CHRM3: variants seen among roughly 807,000 people sequenced by gnomAD.
CHRM3 encodes cholinergic receptor muscarinic 3, also known as muscarinic acetylcholine receptor M3.
CHRM3 carries 11 observed loss-of-function variants against 41.8 expected under a neutral mutation model. The observed-to-expected ratio is 0.26, with a 90% CI of 0.17 to 0.44. The LOEUF is 0.44. Among genes scored for constraint, CHRM3 ranks in the 20% least tolerant of loss-of-function variants. The probability of loss-of-function intolerance (pLI) is 1.00; values close to 1 mark genes in which losing one functional copy is unlikely to be tolerated. For missense variants in CHRM3, 571 were observed against 745.4 expected (o/e 0.77, Z 2.72); for synonymous variants, 297 against 301.4 (o/e 0.99, Z 0.15).
rs543159766 is a variant in CHRM3 at position 239,435,665 on chromosome 1, C to T, written c.-521+48438C>T. On this transcript the variant is annotated intron_variant, in intron 1 of 6. Coordinates refer to ENST00000676153, the MANE Select transcript of CHRM3 (RefSeq NM_001375978.1). The stretch of plus-strand genomic sequence containing the variant: ...GTGTCCATACTTAAAAAAAAGTGTG[C>T]GCAGTGTTTTCTGTGCTTTACTGAA... Among the ~76,000 whole-genome samples the T allele has an allele frequency of 1.8e-4, 28 of 151,968 alleles. No individual in the cohort carries two copies. In the South Asian group the frequency reaches 3.1e-3, roughly 17 times the overall value.
intron 2 of CHRM3, among the ~76,000 whole-genome samples, chr1:239,506,627 C>A (rs1322794961): frequency 2.6e-5 from 4 of 152,268 alleles, no homozygotes; most frequent in Middle Eastern, 3.4e-3. Context: ...GGGGTCAGAG[C>A]CCCCACACAG....
intron 1 of CHRM3, among the ~76,000 whole-genome samples, chr1:239,420,804 A>G (rs1402612394): frequency 6.6e-6 from 1 of 152,142 alleles, no homozygotes; most frequent in African/African-American, 2.4e-5. Flanking sequence ...TTTTATTTTT[A>G]AGGAAAGAAA....
chr1:239,655,626 G>A (rs920952371), intron 4 of CHRM3, among the ~76,000 whole-genome samples: 22 of 152,046 alleles, frequency 1.4e-4, no homozygotes, highest in African/African-American at 4.6e-4. Context: ...CCAAGGATTG[G>A]GTGCTTTCAT....
chr1:239,590,349 T>A (rs1409834649), intron 3 of CHRM3, among the ~76,000 whole-genome samples: 1 of 152,204 alleles, frequency 6.6e-6, no homozygotes, highest in African/African-American at 2.4e-5. Context: ...CAATAAGATA[T>A]GATTCATGTC....
Position 239,902,370 on chromosome 1 carries a change from A to G in CHRM3, c.-19-5063A>G, listed in dbSNP as rs1049265617. ...TAGTCAAGTAATTTGGTAAGTTTAT[A>G]CATCTCCTGGGCCAACCCAGAACTC... On this transcript the variant is annotated intron_variant, in intron 6 of 6. Coordinates refer to ENST00000676153, the MANE Select transcript of CHRM3 (RefSeq NM_001375978.1). Among the ~76,000 whole-genome samples, 9 of 152,192 alleles carry G rather than the reference A, an allele frequency of 5.9e-5. No homozygotes were observed. In the South Asian group the frequency reaches 1.9e-3, roughly 32 times the overall value.
At chr1:239,485,374 T>C (rs1263566922) in intron 1 of CHRM3, among the ~76,000 whole-genome samples, 2 of 152,188 alleles carry the variant, frequency 1.3e-5, no homozygotes. Flanking sequence ...CATGACTCAC[T>C]GCAGCCTCAG....
chr1:239,755,335 T>A (rs1666151509), intron 5 of CHRM3, among the ~76,000 whole-genome samples: 1 of 152,168 alleles, frequency 6.6e-6, no homozygotes, highest in South Asian at 2.1e-4. Context: ...ACCTCACTTA[T>A]CAGGAAGTGA....
intron 6 of CHRM3, among the ~76,000 whole-genome samples, chr1:239,890,567 A>T (rs1404985761): frequency 6.6e-6 from 1 of 152,252 alleles, no homozygotes; most frequent in East Asian, 1.9e-4. Context: ...TATGCCATAT[A>T]TTGAGGGACC....
chr1:239,544,730 A>T (rs962385456), intron 2 of CHRM3, among the ~76,000 whole-genome samples: 2 of 152,240 alleles, frequency 1.3e-5, no homozygotes, highest in African/African-American at 4.8e-5. Context: ...CTTTATATCT[A>T]TCTTGACATA....
At chr1:239,655,323 G>A (rs1055303260) in intron 4 of CHRM3, among the ~76,000 whole-genome samples, 3 of 152,192 alleles carry the variant, frequency 2.0e-5, no homozygotes, top group African/African-American at 7.2e-5. Flanking sequence ...GCAAAGTCAA[G>A]TCAAACTGTT....
At chr1:239,639,252 A>T (rs1183176434) in intron 4 of CHRM3, among the ~76,000 whole-genome samples, 6 of 151,926 alleles carry the variant, frequency 3.9e-5, no homozygotes, top group Non-Finnish European at 4.4e-5. Context: ...TGTAGGCTCT[A>T]TTTTGGTTCC....
At chr1:239,741,818 G>A (rs557059527) in intron 5 of CHRM3, among the ~76,000 whole-genome samples, 1 of 152,314 alleles carries the variant, frequency 6.6e-6, no homozygotes, top group East Asian at 1.9e-4. Flanking sequence ...CAGAGTTTAT[G>A]AGAGCTGCGG....
chr1:239,816,880 A>G (rs1671635635), intron 5 of CHRM3, among the ~76,000 whole-genome samples: 2 of 151,946 alleles, frequency 1.3e-5, no homozygotes, highest in South Asian at 4.2e-4. Context: ...ACATGTGCCC[A>G]CCATTATGCC....
intron 5 of CHRM3, among the ~76,000 whole-genome samples, chr1:239,760,990 TA>T (rs11351484): frequency 0.77 from 116,785 of 151,976 alleles, 46,003 homozygotes; most frequent in Middle Eastern, 0.89. Flanking sequence ...CCCAAACCAC[TA>T]ATATGTCTGA....
intron 2 of CHRM3, among the ~76,000 whole-genome samples, chr1:239,521,698 T>TAC (rs922746449): frequency 1.3e-5 from 2 of 151,656 alleles, no homozygotes; most frequent in Admixed American, 6.6e-5. Flanking sequence ...GAGAGGGAGG[T>TAC]ACAGCCAGCC....
chr1:239,642,837 G>T (rs1445619147), intron 4 of CHRM3, among the ~76,000 whole-genome samples: 1 of 152,116 alleles, frequency 6.6e-6, no homozygotes, highest in Non-Finnish European at 1.5e-5. Flanking sequence ...AGGAGGAGAG[G>T]CGCTCTGTTT....
At chr1:239,405,583 G>A (rs1243384332) in intron 1 of CHRM3, among the ~76,000 whole-genome samples, 1 of 151,776 alleles carries the variant, frequency 6.6e-6, no homozygotes, top group Non-Finnish European at 1.5e-5. Context: ...CTTAAAGCTG[G>A]GGCTTCAATT....
At chr1:239,743,776 TC>T (rs1167649353) in intron 5 of CHRM3, among the ~76,000 whole-genome samples, 1 of 147,138 alleles carries the variant, frequency 6.8e-6, no homozygotes, top group African/African-American at 2.5e-5. Flanking sequence ...TTTTTCTTTT[TC>T]TTTTTTTTTT....
intron 1 of CHRM3, among the ~76,000 whole-genome samples, chr1:239,436,056 C>T (rs1375018822): frequency 6.6e-6 from 1 of 151,954 alleles, no homozygotes; most frequent in Non-Finnish European, 1.5e-5. Context: ...GAATAATGAT[C>T]GTGTGAGACA....
Sources: allele counts gnomAD v4.1 joint callset (sites outside exome capture counted in the v4.1 genomes callset), GRCh38; gene constraint gnomAD v4.1.1; transcripts MANE v1.5; gene names NCBI Gene and HGNC (gene_info 2026-07-23, HGNC 2026-07-21).